GALNT11: variants seen among roughly 807,000 people sequenced by gnomAD.
GALNT11 encodes UDP-GalNAc:polypeptide N-acetylgalactosaminyltransferase 11.
In GALNT11, 47 loss-of-function variants were observed where a neutral mutation model predicts 72.7. The observed-to-expected ratio is 0.65, with a 90% CI of 0.51 to 0.82. The LOEUF (loss-of-function observed/expected upper bound fraction) is 0.82, where lower values mean the gene tolerates loss of function less well. Among genes scored for constraint, GALNT11 ranks in the 40% least tolerant of loss-of-function variants. GALNT11 has a pLI of 0.00. For synonymous variants in GALNT11, 270 were observed against 286.6 expected, an observed-to-expected ratio of 0.94 and a Z score of 0.58; for missense variants, 677 against 778.4, an observed-to-expected ratio of 0.87 and a Z score of 1.55.
At chr7:152,041,694 G>A (rs2082868947) in intron 1 of GALNT11, among the ~76,000 whole-genome samples, 1 of 152,214 alleles carries the variant, frequency 6.6e-6, no homozygotes, top group Non-Finnish European at 1.5e-5. Flanking sequence ...ATTGCCAAGG[G>A]CTAGTGAGAC....
At chr7:152,098,921 C>T (rs1027700938) in intron 2 of GALNT11, among the ~76,000 whole-genome samples, 6 of 152,084 alleles carry the variant, frequency 3.9e-5, no homozygotes, top group African/African-American at 9.7e-5. Flanking sequence ...ACACTAGTTG[C>T]GTTCAGATAA....
intron 1 of GALNT11, among the ~76,000 whole-genome samples, chr7:152,047,709 T>TGTGTGTGTGTGTGTGTGTGTGC (rs528749652): frequency 6.6e-6 from 1 of 151,206 alleles, no homozygotes; most frequent in African/African-American, 2.4e-5. Context: ...TGTGTGTGTG[T>TGTGTGTGTGTGTGTGTGTGTGC]GCGCACACAC....
intron 1 of GALNT11, among the ~76,000 whole-genome samples, chr7:152,048,771 T>G (rs1182034608): frequency 6.6e-6 from 1 of 151,718 alleles, no homozygotes; most frequent in African/African-American, 2.4e-5. Context: ...AAGTTTGCCT[T>G]TTTGAGGCTG....
chr7:152,048,427 C>T (rs2152025414), intron 1 of GALNT11, among the ~76,000 whole-genome samples: 1 of 152,082 alleles, frequency 6.6e-6, no homozygotes. Context: ...ATATTGATAT[C>T]TTCCTCTAGG....
chr7:152,096,896 T>C (rs1349080091), intron 2 of GALNT11, among the ~76,000 whole-genome samples: 1 of 152,152 alleles, frequency 6.6e-6, no homozygotes, highest in Non-Finnish European at 1.5e-5. Context: ...GGCACAGTCA[T>C]GACTCACTGC....
chr7:152,028,110 A>G (rs76030055), intron 1 of GALNT11, among the ~76,000 whole-genome samples: 13,152 of 152,238 alleles, frequency 0.086, 1,954 homozygotes, highest in African/African-American at 0.3. Flanking sequence ...GAGCAGCAGC[A>G]AGATTTATTG....
At chr7:152,054,030 T>A (rs2083530197) in intron 1 of GALNT11, among the ~76,000 whole-genome samples, 1 of 152,176 alleles carries the variant, frequency 6.6e-6, no homozygotes, top group African/African-American at 2.4e-5. Context: ...TGTATGTTTC[T>A]CTAGTGAATA....
intron 1 of GALNT11, among the ~76,000 whole-genome samples, chr7:152,030,503 A>G (rs2082258121): frequency 6.6e-6 from 1 of 152,186 alleles, no homozygotes; most frequent in South Asian, 2.1e-4. Context: ...TATGATCTAT[A>G]TTTAGTATAA....
chr7:152,073,143 T>G (rs2084758609), intron 1 of GALNT11, among the ~76,000 whole-genome samples: 1 of 152,226 alleles, frequency 6.6e-6, no homozygotes, highest in South Asian at 2.1e-4. Context: ...TTATCATTTC[T>G]TTGTGTTGGG....
At chr7:152,046,451 A>C (rs962715506) in intron 1 of GALNT11, among the ~76,000 whole-genome samples, 1 of 152,138 alleles carries the variant, frequency 6.6e-6, no homozygotes, top group Non-Finnish European at 1.5e-5. Flanking sequence ...TTTAGCTCTA[A>C]TAATATTTGC....
Position 152,082,282 on chromosome 7 carries a change from A to G in GALNT11, c.-38-11908A>G, listed in dbSNP as rs369610003. Among the ~76,000 whole-genome samples the G allele has an allele frequency of 3.3e-5, 5 of 152,350 alleles. No individual in the cohort carries two copies. In the East Asian group the frequency reaches 5.8e-4, roughly 18 times the overall value. On this transcript the variant is annotated intron_variant, in intron 1 of 11. Transcript: ENST00000430044. ...TTTTTACTTTCTGCAGAAAGGGTAC[A>G]CTTACCAGCAGTTTTGCCATGAGAG... is the stretch of plus-strand genomic sequence containing the variant.
intron 1 of GALNT11, among the ~76,000 whole-genome samples, chr7:152,043,396 GA>G (rs2082963766): frequency 6.6e-6 from 1 of 152,242 alleles, no homozygotes; most frequent in Non-Finnish European, 1.5e-5. Context: ...TGTGGCGGGG[GA>G]CAGACATTGT....
chr7:152,117,782 G>A (rs2089025653), intron 9 of GALNT11: 1 of 189,502 alleles, frequency 5.3e-6, no homozygotes, highest in African/African-American at 2.4e-5. Flanking sequence ...GTGAGGGTCA[G>A]AGTGGGGACA....
intron 11 of GALNT11, 73 bp from the exon 12 acceptor site, chr7:152,121,473 C>T: frequency 6.5e-6 from 10 of 1,545,212 alleles, no homozygotes; most frequent in Non-Finnish European, 8.8e-6. Flanking sequence ...TTCTTAAGTG[C>T]TCCATCTCTC....
intron 1 of GALNT11, among the ~76,000 whole-genome samples, chr7:152,092,725 G>A (rs1021054028): frequency 6.6e-6 from 1 of 151,990 alleles, no homozygotes; most frequent in African/African-American, 2.4e-5. Context: ...TGATCTTTTG[G>A]GGACAATACC....
At chr7:152,105,444 C>G (rs2087434443) in intron 5 of GALNT11, 74 bp downstream of exon 5, 1 of 1,549,486 alleles carries the variant, frequency 6.5e-7, no homozygotes, top group Non-Finnish European at 8.7e-7. Flanking sequence ...TGTCCTGATT[C>G]TGCAAAGTCT....
At chr7:152,043,845 A>C (rs918176286) in intron 1 of GALNT11, among the ~76,000 whole-genome samples, 1 of 152,146 alleles carries the variant, frequency 6.6e-6, no homozygotes, top group African/African-American at 2.4e-5. Context: ...CTTCCTCCTC[A>C]TCAGTGTGAA....
rs879579476 is a variant in GALNT11 at position 152,060,042 on chromosome 7, T to TTTTGGATAACTA, written c.-38-34148_-38-34147insTTTGGATAACTA. Among the ~76,000 whole-genome samples, 385 of 152,372 alleles carry TTTTGGATAACTA rather than the reference T, an allele frequency of 2.5e-3. 3 individuals are homozygous for TTTTGGATAACTA. Among genetic ancestry groups the TTTTGGATAACTA allele is most frequent in the Middle Eastern group, 0.014 (4 of 294 alleles). Reference sequence around the variant, plus strand: ...AGCCATCCTCATCAGTGATCTTAGCTAGATCTTTTGGATAACTTGCTGCAG... The same window carrying TTTTGGATAACTA: ...AGCCATCCTCATCAGTGATCTTAGCTTTTGGATAACTAAGATCTTTTGGATAACTTGCTGCAG... On this transcript the variant is annotated intron_variant, in intron 1 of 11. Coordinates refer to ENST00000430044, the MANE Select transcript of GALNT11 (RefSeq NM_022087.4).
intron 2 of GALNT11, among the ~76,000 whole-genome samples, chr7:152,096,262 G>A (rs1299831849): frequency 6.6e-6 from 1 of 152,146 alleles, no homozygotes; most frequent in Non-Finnish European, 1.5e-5. Flanking sequence ...TGTAAAGAGG[G>A]AAAAGGTTAT....
Sources: allele counts gnomAD v4.1 joint callset (sites outside exome capture counted in the v4.1 genomes callset), GRCh38; gene constraint gnomAD v4.1.1; transcripts MANE v1.5; gene names NCBI Gene and HGNC (gene_info 2026-07-23, HGNC 2026-07-21).